Variants in NDUFB5 observed in about 807,000 individuals in gnomAD.
NDUFB5 encodes the protein NADH:ubiquinone oxidoreductase subunit B5.
NDUFB5 carries 19 observed loss-of-function variants against 19.4 expected under a neutral mutation model. That is an observed-to-expected ratio of 0.98 (90% CI 0.68 to 1.43). The LOEUF (loss-of-function observed/expected upper bound fraction) is 1.43. Ranked by LOEUF, NDUFB5 falls within the 40% of genes most tolerant of loss-of-function variation. The pLI is 0.00. For missense variants in NDUFB5, 233 were observed against 236.5 expected (o/e 0.99, Z 0.10); for synonymous variants, 80 against 82.6 (o/e 0.97, Z 0.17).
chr3:179,615,487 G>T, intron 2 of NDUFB5: 1 of 419,922 alleles, frequency 2.4e-6, no homozygotes, highest in East Asian at 7.2e-5. Context: ...GATCTATAGT[G>T]CAATCTTAAT....
chr3:179,624,782 A>G lies in NDUFB5; in HGVS notation c.*742A>G, dbSNP rs1719629456. ...ATATTAAATAACTGCATTTTTTAAC[A>G]TTATTTTCTTTTCTTTTTTTTTTTT... On this transcript the variant is annotated 3_prime_UTR_variant, in exon 6 of 6. Transcript: ENST00000259037. 6.9e-6 allele frequency: 1 copy of G among 144,188 alleles called. No individual in the cohort carries two copies. The highest frequency in any genetic ancestry group is 2.6e-5 in the African/African-American group (1 of 39,004). 8.9% of individuals were successfully genotyped at this position (144,188 alleles called of 1,614,324 possible).
chr3:179,626,040 A>C lies in NDUFB5; in HGVS notation c.*2000A>C, dbSNP rs150360309. ...CTTCATAGTGGTTGTACTACTGTAC[A>C]TTCCTACCAATGGTGGATGAGCGTT... On this transcript the variant is annotated 3_prime_UTR_variant, in exon 6 of 6. Coordinates refer to ENST00000259037, the MANE Select transcript of NDUFB5 (RefSeq NM_002492.4). 1.3e-5 allele frequency: 2 copies of C among 152,182 alleles called. No individual in the cohort carries two copies. Among genetic ancestry groups the C allele is most frequent in the Non-Finnish European group, 2.9e-5 (2 of 68,032 alleles). 9.4% of individuals were successfully genotyped at this position (152,182 alleles called of 1,614,324 possible).
intron 5 of NDUFB5, among the ~76,000 whole-genome samples, chr3:179,620,438 A>G (rs1576884742): frequency 6.6e-6 from 1 of 152,184 alleles, no homozygotes; most frequent in Non-Finnish European, 1.5e-5. Context: ...TCCCAGCACC[A>G]TTTATTAAAT....
intron 4 of NDUFB5, chr3:179,617,364 C>T (rs1337040210): frequency 1.1e-5 from 2 of 181,588 alleles, no homozygotes; most frequent in Non-Finnish European, 2.3e-5. Context: ...TCTGGAACTC[C>T]TGGCCTCAAG....
intron 1 of NDUFB5, among the ~76,000 whole-genome samples, chr3:179,612,782 C>G (rs1452042048): frequency 6.6e-6 from 1 of 152,092 alleles, no homozygotes. Flanking sequence ...AGCCAAAAAC[C>G]GCAATTACTT....
At chr3:179,621,946 A>G (rs1719549084) in intron 5 of NDUFB5, among the ~76,000 whole-genome samples, 1 of 152,046 alleles carries the variant, frequency 6.6e-6, no homozygotes, top group East Asian at 1.9e-4. Context: ...TTCCAAAATT[A>G]TTTTTTTTAA....
intron 5 of NDUFB5, among the ~76,000 whole-genome samples, chr3:179,620,118 A>G (rs1222356972): frequency 6.6e-6 from 1 of 152,130 alleles, no homozygotes; most frequent in Non-Finnish European, 1.5e-5. Flanking sequence ...ACATGAGTAT[A>G]TTGCAAAAAT....
At chr3:179,619,218 TTATAC>T (rs1433123330) in intron 5 of NDUFB5, among the ~76,000 whole-genome samples, 6 of 150,350 alleles carry the variant, frequency 4.0e-5, no homozygotes, top group Non-Finnish European at 7.4e-5. Context: ...TTTTTTTTAA[TTATAC>T]TTTAAGTTTT....
intron 5 of NDUFB5, among the ~76,000 whole-genome samples, chr3:179,623,284 G>A (rs927173429): frequency 1.3e-5 from 2 of 152,190 alleles, no homozygotes; most frequent in Non-Finnish European, 2.9e-5. Flanking sequence ...TGAGAAGATA[G>A]GAAAAGCACT....
At chr3:179,615,956 T>G in intron 2 of NDUFB5, 27 bp from the exon 3 acceptor site, 1 of 1,561,538 alleles carries the variant, frequency 6.4e-7, no homozygotes, top group Non-Finnish European at 8.8e-7. Context: ...GAAATGGTCA[T>G]GAGAAACACT....
At chr3:179,623,383 GT>G (rs765561536) in intron 5 of NDUFB5, among the ~76,000 whole-genome samples, 2 of 152,206 alleles carry the variant, frequency 1.3e-5, no homozygotes, top group African/African-American at 2.4e-5. Context: ...GTTAAAAACT[GT>G]TTGGTAGGCC....
intron 1 of NDUFB5, among the ~76,000 whole-genome samples, chr3:179,607,360 T>C (rs185784038): frequency 2.0e-3 from 311 of 152,338 alleles, no homozygotes; most frequent in Admixed American, 2.4e-3. Context: ...TTTCTGGAGA[T>C]AGACTGCCTA....
At chr3:179,621,922 C>A (rs944768365) in intron 5 of NDUFB5, among the ~76,000 whole-genome samples, 1 of 152,100 alleles carries the variant, frequency 6.6e-6, no homozygotes, top group African/African-American at 2.4e-5. Context: ...ATAATTAAAT[C>A]AGTAAATATG....
At chr3:179,612,248 T>A (rs1719262126) in intron 1 of NDUFB5, among the ~76,000 whole-genome samples, 1 of 150,940 alleles carries the variant, frequency 6.6e-6, no homozygotes, top group Non-Finnish European at 1.5e-5. Context: ...CTCCGCAAGC[T>A]GAAGGTGGGA....
chr3:179,604,810 G>A lies in NDUFB5; in HGVS notation c.-6G>A, dbSNP rs1289513280. 2.5e-6 allele frequency: 4 copies of A among 1,609,976 alleles called. No homozygotes were observed. In the South Asian group the frequency reaches 3.3e-5, roughly 13 times the overall value. ...GCCTCCCTTCTTCCTCCTGCCCGTA[G>A]TAGCCATGGCGGCCATGAGTTTGTT... On this transcript the variant is annotated 5_prime_UTR_variant, in exon 1 of 6. Transcript: ENST00000259037.
At position 179,616,864 on chromosome 3, in the gene NDUFB5, A is replaced by T. The variant is rs1719392352; in HGVS notation, c.281-119A>T. 3 of 696,856 alleles carry T rather than the reference A, an allele frequency of 4.3e-6. No individual in the cohort carries two copies. In the Admixed American group the frequency reaches 8.4e-5, roughly 19 times the overall value. 43.2% of individuals were successfully genotyped at this position (696,856 alleles called of 1,614,324 possible). A position where few individuals can be genotyped will look rare whatever the true frequency, so the allele number is the denominator to read the frequency against. On this transcript the variant is annotated intron_variant, in intron 3 of 5. Transcript: ENST00000259037. ...AAAAATACTACATATCTTCATTGGTACAAATTTTTTAAAGAATCCTTTAAA... is the reference window on the plus strand; with the variant it reads ...AAAAATACTACATATCTTCATTGGTTCAAATTTTTTAAAGAATCCTTTAAA...
At chr3:179,611,453 C>G (rs1028635738) in intron 1 of NDUFB5, among the ~76,000 whole-genome samples, 1 of 151,694 alleles carries the variant, frequency 6.6e-6, no homozygotes, top group Non-Finnish European at 1.5e-5. Flanking sequence ...CGCTCTGTCA[C>G]CCAGGCTGGA....
chr3:179,610,643 G>T (rs1422490761), intron 1 of NDUFB5, among the ~76,000 whole-genome samples: 1 of 152,010 alleles, frequency 6.6e-6, no homozygotes, highest in African/African-American at 2.4e-5. Context: ...AATTCCTATA[G>T]CCTCATCCTT....
chr3:179,615,663 C>G (rs1267130042), intron 2 of NDUFB5: 1 of 499,748 alleles, frequency 2.0e-6, no homozygotes. Context: ...TTAAAACTTT[C>G]TCTTGCCCTT....
Sources: allele counts gnomAD v4.1 joint callset (sites outside exome capture counted in the v4.1 genomes callset), GRCh38; gene constraint gnomAD v4.1.1; transcripts MANE v1.5; gene names NCBI Gene and HGNC (gene_info 2026-07-23, HGNC 2026-07-21).